Variants in LRMDA observed in about 807,000 individuals in gnomAD.
LRMDA encodes the protein leucine rich melanocyte differentiation associated, also known as leucine-rich melanocyte differentiation-associated protein.
LRMDA carries 18 observed loss-of-function variants against 29.8 expected under a neutral mutation model. That is an observed-to-expected ratio of 0.60 (90% confidence interval 0.42 to 0.90). The LOEUF (loss-of-function observed/expected upper bound fraction) is 0.90. Ranked by LOEUF, LRMDA falls within the 40% of genes least tolerant of loss-of-function variation. The probability of loss-of-function intolerance (pLI) is 0.00; values close to 1 mark genes in which losing one functional copy is unlikely to be tolerated. For missense variants in LRMDA, 273 were observed against 273.9 expected, an observed-to-expected ratio of 1.00 and a Z score of 0.02; for synonymous variants, 125 against 109.4, an observed-to-expected ratio of 1.14 and a Z score of -0.89.
chr10:76,178,597 G>A (rs190505983), intron 5 of LRMDA, among the ~76,000 whole-genome samples: 2 of 152,186 alleles, frequency 1.3e-5, no homozygotes, highest in African/African-American at 4.8e-5. Context: ...ACTCAGTTGG[G>A]GTGAGGAATA....
In LRMDA at chr10:75,855,253, C is replaced by T. The variant is rs552254501; in HGVS notation, c.132-180755C>T. Among the ~76,000 whole-genome samples the T allele has an allele frequency of 1.4e-3, 217 of 150,016 alleles. 1 individual carries two copies. The highest frequency in any genetic ancestry group is 2.5e-3 in the Non-Finnish European group (169 of 66,544). On this transcript the variant is annotated intron_variant, in intron 2 of 6. Coordinates refer to ENST00000611255, the MANE Select transcript of LRMDA (RefSeq NM_001305581.2). ...TGTTGTTTCCTGACTTTTTAATGAT[C>T]GACATTCGAACTGGTGTGAGATGGT...
intron 5 of LRMDA, among the ~76,000 whole-genome samples, chr10:76,102,317 G>A (rs1319148751): frequency 1.3e-5 from 2 of 152,086 alleles, no homozygotes; most frequent in African/African-American, 4.8e-5. Flanking sequence ...TGTGGGGTTT[G>A]GTGTACAGAT....
chr10:76,350,556 G>A (rs970471942), intron 6 of LRMDA, among the ~76,000 whole-genome samples: 12 of 152,054 alleles, frequency 7.9e-5, no homozygotes, highest in African/African-American at 2.9e-4. Context: ...ATTATGGATA[G>A]CATAGAAGAG....
intron 5 of LRMDA, among the ~76,000 whole-genome samples, chr10:76,237,140 C>T (rs116446796): frequency 6.6e-6 from 1 of 152,152 alleles, no homozygotes; most frequent in Non-Finnish European, 1.5e-5. Flanking sequence ...GCTATGACTG[C>T]ACTACTGCAT....
chr10:75,876,181 G>A (rs1845195177), intron 2 of LRMDA, among the ~76,000 whole-genome samples: 1 of 152,248 alleles, frequency 6.6e-6, no homozygotes, highest in Non-Finnish European at 1.5e-5. Context: ...AGAAGCAGGT[G>A]CAGCTGAGGC....
At chr10:76,308,566 G>C (rs369034788) in intron 5 of LRMDA, among the ~76,000 whole-genome samples, 41 of 152,194 alleles carry the variant, frequency 2.7e-4, no homozygotes, top group African/African-American at 9.6e-4. Context: ...CTAAACCCAG[G>C]TCCTTCTCTG....
chr10:76,346,770 C>T (rs1841114002), intron 6 of LRMDA, among the ~76,000 whole-genome samples: 1 of 152,086 alleles, frequency 6.6e-6, no homozygotes, highest in South Asian at 2.1e-4. Context: ...AAAGATATTT[C>T]CTTGTTTACC....
At chr10:75,602,836 T>G (rs946332608) in intron 2 of LRMDA, among the ~76,000 whole-genome samples, 11 of 152,220 alleles carry the variant, frequency 7.2e-5, no homozygotes, top group African/African-American at 2.4e-4. Flanking sequence ...ATATTTCACT[T>G]CTTTTATGAG....
chr10:76,442,302 T>C lies in LRMDA; in HGVS notation c.602-114907T>C, dbSNP rs139950553. 2.0e-5 allele frequency among the ~76,000 whole-genome samples: 3 copies of C among 152,302 alleles called. No homozygotes were observed. In the East Asian group the frequency reaches 5.8e-4, roughly 29 times the overall value. On this transcript the variant is annotated intron_variant, in intron 6 of 6. Coordinates refer to ENST00000611255, the MANE Select transcript of LRMDA (RefSeq NM_001305581.2). Reference sequence around the variant, plus strand: ...CTGTGACTGAGATTGATGGAACACTTATCATGTGGCTTTAATCCCAGACAT... The same window carrying C: ...CTGTGACTGAGATTGATGGAACACTCATCATGTGGCTTTAATCCCAGACAT...
At chr10:76,069,645 G>A (rs535910955) in intron 5 of LRMDA, among the ~76,000 whole-genome samples, 29 of 151,302 alleles carry the variant, frequency 1.9e-4, no homozygotes, top group Non-Finnish European at 2.9e-4. Context: ...ATGTACTGGG[G>A]CTTCTACTTT....
At chr10:76,110,648 C>T (rs141144386) in intron 5 of LRMDA, among the ~76,000 whole-genome samples, 2 of 152,226 alleles carry the variant, frequency 1.3e-5, no homozygotes, top group East Asian at 3.9e-4. Context: ...AGTGAATAAG[C>T]CTCATGAGAT....
At chr10:75,867,491 C>T (rs79405147) in intron 2 of LRMDA, among the ~76,000 whole-genome samples, 1 of 152,054 alleles carries the variant, frequency 6.6e-6, no homozygotes, top group South Asian at 2.1e-4. Context: ...AACACCAGAG[C>T]GTCTTCATTT....
intron 2 of LRMDA, among the ~76,000 whole-genome samples, chr10:75,439,567 C>T (rs1029021438): frequency 6.6e-6 from 1 of 152,140 alleles, no homozygotes; most frequent in Non-Finnish European, 1.5e-5. Context: ...GGTCAGCCAG[C>T]GGAACTCCTT....
intron 2 of LRMDA, among the ~76,000 whole-genome samples, chr10:75,522,591 G>C (rs1241601402): frequency 6.6e-6 from 1 of 152,202 alleles, no homozygotes; most frequent in Non-Finnish European, 1.5e-5. Flanking sequence ...AAAGGGATGA[G>C]GCAGATTGTC....
At chr10:75,996,344 G>T (rs1847461699) in intron 2 of LRMDA, among the ~76,000 whole-genome samples, 1 of 152,110 alleles carries the variant, frequency 6.6e-6, no homozygotes, top group Non-Finnish European at 1.5e-5. Flanking sequence ...GAATTTCTTT[G>T]GTTCGTTGCT....
intron 2 of LRMDA, among the ~76,000 whole-genome samples, chr10:75,980,824 C>CCT (rs1351626394): frequency 6.6e-6 from 1 of 152,150 alleles, no homozygotes; most frequent in African/African-American, 2.4e-5. Flanking sequence ...CCCTTTTTAT[C>CCT]CTCTCTCTCA....
chr10:76,275,356 C>T (rs182131750), intron 5 of LRMDA, among the ~76,000 whole-genome samples: 8 of 151,844 alleles, frequency 5.3e-5, no homozygotes, highest in African/African-American at 1.4e-4. Flanking sequence ...TTCTTTGTAT[C>T]ATTTTTTTAA....
intron 2 of LRMDA, among the ~76,000 whole-genome samples, chr10:75,693,972 A>G (rs1418304804): frequency 1.3e-5 from 2 of 152,166 alleles, no homozygotes; most frequent in African/African-American, 2.4e-5. Flanking sequence ...TGTTTGTTTG[A>G]ATTTTTGCTG....
At chr10:75,928,137 C>A (rs1846150630) in intron 2 of LRMDA, among the ~76,000 whole-genome samples, 1 of 151,988 alleles carries the variant, frequency 6.6e-6, no homozygotes, top group East Asian at 1.9e-4. Context: ...GGCTATGGAG[C>A]CTGAAATGTG....
Sources: allele counts gnomAD v4.1 joint callset (sites outside exome capture counted in the v4.1 genomes callset), GRCh38; gene constraint gnomAD v4.1.1; transcripts MANE v1.5; gene names NCBI Gene and HGNC (gene_info 2026-07-23, HGNC 2026-07-21).